RPS9: variants seen among roughly 807,000 people sequenced by gnomAD.
The protein encoded by RPS9 is small ribosomal subunit protein uS4.
A neutral mutation model predicts 16.9 loss-of-function variants in RPS9; 1 was observed. The ratio of observed to expected loss-of-function variants is 0.06; its 90% CI spans 0.02 to 0.28. The LOEUF is 0.28. RPS9 is among the 10% of genes least tolerant of loss of function. The probability of loss-of-function intolerance (pLI) is 1.00; values close to 1 mark genes in which losing one functional copy is unlikely to be tolerated. For missense variants in RPS9, 137 were observed against 273.2 expected, an observed-to-expected ratio of 0.50 and a Z score of 3.51; for synonymous variants, 106 against 110.9, an observed-to-expected ratio of 0.96 and a Z score of 0.28.
At chr19:54,201,086 G>A in intron 1 of RPS9, 74 bp from the exon 2 acceptor site, 1 of 1,581,246 alleles carries the variant, frequency 6.3e-7, no homozygotes, top group Non-Finnish European at 8.6e-7. Flanking sequence ...TGGGCTCCGC[G>A]AGGTTTTGGC....
intron 2 of RPS9, 33 bp from the exon 3 acceptor site, chr19:54,201,454 G>A (rs539842915): frequency 6.2e-7 from 1 of 1,613,892 alleles, no homozygotes; most frequent in South Asian, 1.1e-5. Flanking sequence ...CAGTACGTGG[G>A]ACTACACTTG....
intron 3 of RPS9, chr19:54,202,652 C>T (rs1186338095): frequency 1.0e-6 from 1 of 985,286 alleles, no homozygotes; most frequent in Admixed American, 6.1e-5. Flanking sequence ...CTTTCTACAG[C>T]AGATTGGCAT....
chr19:54,205,896 A>C (rs1227280757), intron 3 of RPS9, among the ~76,000 whole-genome samples: 2 of 152,168 alleles, frequency 1.3e-5, no homozygotes, highest in African/African-American at 2.4e-5. Flanking sequence ...AGGTCACTGC[A>C]ACCTCCGCCT....
chr19:54,204,762 T>G (rs552068161), intron 3 of RPS9, among the ~76,000 whole-genome samples: 1 of 152,282 alleles, frequency 6.6e-6, no homozygotes, highest in African/African-American at 2.4e-5. Context: ...GCGTGAAGTG[T>G]CCAAAGAGGT....
At chr19:54,205,616 T>TA (rs1475790594) in intron 3 of RPS9, among the ~76,000 whole-genome samples, 8 of 152,158 alleles carry the variant, frequency 5.3e-5, no homozygotes, top group African/African-American at 1.4e-4. Context: ...TGTGCTTTGT[T>TA]ACGGTGGTAG....
intron 3 of RPS9, among the ~76,000 whole-genome samples, chr19:54,203,609 C>T (rs940759988): frequency 6.6e-6 from 1 of 152,064 alleles, no homozygotes; most frequent in Non-Finnish European, 1.5e-5. Flanking sequence ...TCCATCTCTA[C>T]GAAAAATACA....
chr19:54,205,497 T>C (rs1368885321), intron 3 of RPS9, among the ~76,000 whole-genome samples: 1 of 152,048 alleles, frequency 6.6e-6, no homozygotes, highest in African/African-American at 2.4e-5. Context: ...ATTACTTTTC[T>C]CTCCTTAAAA....
intron 3 of RPS9, among the ~76,000 whole-genome samples, chr19:54,205,144 G>C (rs1490243240): frequency 6.6e-6 from 1 of 152,074 alleles, no homozygotes; most frequent in Non-Finnish European, 1.5e-5. Context: ...AAGGAAAAAA[G>C]GTTGAGGTGT....
intron 3 of RPS9, chr19:54,202,813 G>C (rs191438475): frequency 2.9e-5 from 29 of 985,282 alleles, no homozygotes; most frequent in Non-Finnish European, 3.5e-5. Flanking sequence ...AAGTCCTGGC[G>C]CATGTTTAGC....
chr19:54,205,129 C>T (rs1402561849), intron 3 of RPS9, among the ~76,000 whole-genome samples: 1 of 151,930 alleles, frequency 6.6e-6, no homozygotes, highest in East Asian at 1.9e-4. Flanking sequence ...TATAAAAGTG[C>T]ACATAAGGAA....
chr19:54,206,808 C>G, intron 4 of RPS9: 1 of 1,226,878 alleles, frequency 8.2e-7, no homozygotes, highest in Non-Finnish European at 1.1e-6. Flanking sequence ...TCCTGGCCCG[C>G]TTGTGAAGTT....
Position 54,201,562 on chromosome 19 carries a change from G to A in RPS9, c.173G>A (p.Arg58Gln). 1.2e-6 allele frequency: 2 copies of A among 1,614,108 alleles called. No homozygotes were observed. The highest frequency in any genetic ancestry group is 1.7e-6 in the Non-Finnish European group (2 of 1,179,992). Reference protein sequence around the residue: ...FTLAKIRKAARELLTLDEKDP... With the variant: ...FTLAKIRKAAQELLTLDEKDP... ...CTGGCCAAGATCCGCAAGGCCGCCC[G>A]GGAACTGCTGACGCTTGATGAGAAG... Residue 58 changes from arginine (R) to glutamine (Q), a missense_variant, in exon 3 of 5, where the codon CGG becomes CAG. Physicochemically the swap from Arg to Gln is conservative, Grantham distance 43. Around this residue, in one of 3 missense-constraint regions of RPS9, gnomAD observed 64 missense variants for 164.0 expected, o/e 0.39. Coordinates refer to ENST00000302907, the MANE Select transcript of RPS9 (RefSeq NM_001013.4).
intron 3 of RPS9, chr19:54,202,983 C>G: frequency 2.1e-6 from 2 of 971,174 alleles, no homozygotes; most frequent in Non-Finnish European, 2.4e-6. Context: ...CAGGTGTAAG[C>G]CACCGCACCT....
At chr19:54,201,046 C>T (rs2077025022) in intron 1 of RPS9, 114 bp from the exon 2 acceptor site, 14 of 1,489,660 alleles carry the variant, frequency 9.4e-6, no homozygotes, top group Middle Eastern at 2.5e-4. Context: ...ACTATGAGAG[C>T]GTTGGAGGTT....
At chr19:54,202,207 C>T (rs1040003642) in intron 3 of RPS9, among the ~76,000 whole-genome samples, 1 of 151,952 alleles carries the variant, frequency 6.6e-6, no homozygotes, top group African/African-American at 2.4e-5. Flanking sequence ...ACTTTTGAGA[C>T]GGAGTCTCGC....
chr19:54,207,032 T>A (rs775128681), intron 4 of RPS9: 324 of 440,842 alleles, frequency 7.3e-4, no homozygotes, highest in Non-Finnish European at 1.2e-3. Context: ...GCTGTGTTAT[T>A]GTGGGCATTG....
At chr19:54,200,985 A>C in intron 1 of RPS9, 97 bp downstream of exon 1, 2 of 1,431,744 alleles carry the variant, frequency 1.4e-6, no homozygotes, top group Middle Eastern at 2.6e-4. Context: ...GTTAGGAAAC[A>C]GAGCAGGGTG....
chr19:54,201,629 G>A lies in RPS9; in HGVS notation c.220+20G>A. 1 of 1,613,952 alleles carries A rather than the reference G, an allele frequency of 6.2e-7. No homozygotes were observed. The highest frequency in any genetic ancestry group is 8.5e-7 in the Non-Finnish European group (1 of 1,179,944). On this transcript the variant is annotated intron_variant, in intron 3 of 4. Coordinates refer to ENST00000302907, the MANE Select transcript of RPS9 (RefSeq NM_001013.4). ...TCGAAGGTGCGTATGGGAGTCCACA[G>A]CAGAGGGATGGGGTGCAGGGCTTGT...
chr19:54,206,669 G>A (rs1414474686), intron 4 of RPS9: 8 of 1,544,020 alleles, frequency 5.2e-6, no homozygotes, highest in Non-Finnish European at 7.0e-6. Flanking sequence ...GGGTCACTGC[G>A]GCTCTAGCCG....
Sources: gnomAD v4.1 joint callset for allele counts (sites outside exome capture counted in the v4.1 genomes callset) on GRCh38, gnomAD v4.1.1 for gene constraint, gnomAD v4.1.1 regional missense constraint, MANE v1.5 for transcripts, NCBI Gene and HGNC (gene_info 2026-07-23, HGNC 2026-07-21) for gene names.